Variants in RANBP2 observed in about 807,000 individuals in gnomAD.
The protein encoded by RANBP2 is RAN binding protein 2.
In RANBP2, 57 loss-of-function variants were observed where a neutral mutation model predicts 303.6. That is an observed-to-expected ratio of 0.19 (90% confidence interval 0.15 to 0.23). The LOEUF (loss-of-function observed/expected upper bound fraction) is 0.23, where lower values mean the gene tolerates loss of function less well. Among genes scored for constraint, RANBP2 ranks in the 10% least tolerant of loss-of-function variants. RANBP2 has a pLI of 1.00. For synonymous variants in RANBP2, 1,167 were observed against 1,301.5 expected (o/e 0.90, Z 2.23); for missense variants, 3,138 against 3,780.8 (o/e 0.83, Z 4.46).
At chr2:109,191,454 G>A in the RANBP2 span, among the ~76,000 whole-genome samples, 1 of 152,182 alleles carries the variant, frequency 6.6e-6, no homozygotes, top group African/African-American at 2.4e-5. Context: ...ATGTGTTTGG[G>A]TGCGGCCAGG....
the RANBP2 span, among the ~76,000 whole-genome samples, chr2:108,990,706 G>C: frequency 6.6e-6 from 1 of 152,190 alleles, no homozygotes; most frequent in Non-Finnish European, 1.5e-5. Flanking sequence ...AGCTGAACCA[G>C]AGTTACTTAG....
At chr2:109,523,179 GA>G in the RANBP2 span, among the ~76,000 whole-genome samples, 1 of 152,180 alleles carries the variant, frequency 6.6e-6, no homozygotes, top group African/African-American at 2.4e-5. Flanking sequence ...CAGTGCCCTT[GA>G]ATCTCTGTAG....
At position 108,763,588 on chromosome 2, in the gene RANBP2, C is replaced by T. The variant is rs1247019027; in HGVS notation, c.3049C>T (p.Pro1017Ser). Residue 1017 changes from proline to serine, a missense_variant, in exon 20 of 29, where the codon CCA becomes TCA. By Grantham distance (74) the Pro-to-Ser change is moderately conservative. Coordinates refer to ENST00000283195, the MANE Select transcript of RANBP2 (RefSeq NM_006267.5). The part of the protein sequence containing the change: ...VQPMPGEGLR[P>S]SLPTQAHTTQ... ...GCCCATGCCGGGTGAAGGATTAAGG[C>T]CATCTTTGCCAACACAAGCACACAC... is the stretch of plus-strand genomic sequence containing the variant. The T allele has an allele frequency of 1.2e-6, 2 of 1,613,936 alleles. No homozygotes were observed. Among genetic ancestry groups the T allele is most frequent in the African/African-American group, 1.3e-5 (1 of 74,892 alleles).
the RANBP2 span, among the ~76,000 whole-genome samples, chr2:109,198,005 G>A: frequency 2.6e-5 from 4 of 152,208 alleles, no homozygotes; most frequent in Non-Finnish European, 5.9e-5. Context: ...GAGTTGACCT[G>A]TAGTTAAGTA....
the RANBP2 span, chr2:109,613,149 G>C: frequency 3.9e-6 from 5 of 1,285,720 alleles, no homozygotes; most frequent in Non-Finnish European, 5.1e-6. Context: ...CACGACCTTG[G>C]TACTATTAAC....
At chr2:109,048,498 C>T in the RANBP2 span, among the ~76,000 whole-genome samples, 2 of 152,146 alleles carry the variant, frequency 1.3e-5, no homozygotes, top group Admixed American at 6.5e-5. Context: ...TTGACCTTTC[C>T]TGGGTCACCA....
chr2:109,078,529 T>G, the RANBP2 span, among the ~76,000 whole-genome samples: 1 of 148,742 alleles, frequency 6.7e-6, no homozygotes, highest in Non-Finnish European at 1.5e-5. Context: ...TGGGGGTAAT[T>G]GTGGTGATGT....
the RANBP2 span, among the ~76,000 whole-genome samples, chr2:109,487,896 G>A: frequency 8.7e-3 from 1,314 of 151,498 alleles, 20 homozygotes; most frequent in African/African-American, 0.03. Context: ...GGATACTGCA[G>A]TGAACAAAAC....
At chr2:109,329,906 C>T in the RANBP2 span, among the ~76,000 whole-genome samples, 5 of 152,148 alleles carry the variant, frequency 3.3e-5, no homozygotes, top group African/African-American at 9.7e-5. Context: ...CTCTGCAGAA[C>T]CTCTTAACTT....
chr2:109,364,069 T>G, the RANBP2 span, among the ~76,000 whole-genome samples: 1 of 152,258 alleles, frequency 6.6e-6, no homozygotes, highest in South Asian at 2.1e-4. Flanking sequence ...TCTATCTTTC[T>G]TCTCCTTCTA....
chr2:109,629,671 C>T, the RANBP2 span, among the ~76,000 whole-genome samples: 34 of 151,772 alleles, frequency 2.2e-4, no homozygotes, highest in Non-Finnish European at 4.3e-4. Flanking sequence ...ATTAGCCAGG[C>T]ATGGTGGTGC....
At chr2:109,676,615 G>T in the RANBP2 span, among the ~76,000 whole-genome samples, 26 of 152,326 alleles carry the variant, frequency 1.7e-4, no homozygotes, top group African/African-American at 6.3e-4. Flanking sequence ...CTTGCTGAAG[G>T]AGGGGTTGTG....
At chr2:109,419,792 G>A in the RANBP2 span, 2 of 703,248 alleles carry the variant, frequency 2.8e-6, no homozygotes, top group Non-Finnish European at 4.6e-6. Flanking sequence ...ACCGCTGAAG[G>A]GAGAGTGTGG....
At chr2:109,603,174 CAATGCTTATTGT>C in the RANBP2 span, among the ~76,000 whole-genome samples, 1 of 151,988 alleles carries the variant, frequency 6.6e-6, no homozygotes, top group Non-Finnish European at 1.5e-5. Flanking sequence ...TGAAGTCTAT[CAATGCTTATTGT>C]TTTTCACTTA....
At chr2:109,140,488 C>T in the RANBP2 span, among the ~76,000 whole-genome samples, 1 of 152,162 alleles carries the variant, frequency 6.6e-6, no homozygotes, top group African/African-American at 2.4e-5. Flanking sequence ...TCACACCATT[C>T]TCCTGTCTCA....
At chr2:109,210,093 AG>A in the RANBP2 span, among the ~76,000 whole-genome samples, 3 of 152,254 alleles carry the variant, frequency 2.0e-5, no homozygotes, top group African/African-American at 7.2e-5. Context: ...CATTTAGCAC[AG>A]GGTCCTCAGG....
At chr2:109,587,250 A>G in the RANBP2 span, among the ~76,000 whole-genome samples, 85 of 152,312 alleles carry the variant, frequency 5.6e-4, no homozygotes, top group Middle Eastern at 6.8e-3. Context: ...CTGAAGTAAA[A>G]AATATATTTA....
the RANBP2 span, among the ~76,000 whole-genome samples, chr2:108,813,204 G>GCACCA: frequency 1.7e-5 from 2 of 116,604 alleles, no homozygotes; most frequent in African/African-American, 6.4e-5. Context: ...AGCCGAGATT[G>GCACCA]CACCACTGCA....
At chr2:108,954,999 C>T in the RANBP2 span, among the ~76,000 whole-genome samples, 1 of 152,044 alleles carries the variant, frequency 6.6e-6, no homozygotes, top group Non-Finnish European at 1.5e-5. Context: ...GATAATCTTA[C>T]ACAGGAACTC....
Sources: allele counts gnomAD v4.1 joint callset (sites outside exome capture counted in the v4.1 genomes callset), GRCh38; gene constraint gnomAD v4.1.1; transcripts MANE v1.5; gene names NCBI Gene and HGNC (gene_info 2026-07-23, HGNC 2026-07-21).